The following TRAPPC12 variants were observed in gnomAD, a reference collection of about 807,000 sequenced individuals.
TRAPPC12 encodes trafficking protein particle complex subunit 12.
TRAPPC12 carries 61 observed loss-of-function variants against 69.2 expected under a neutral mutation model. The ratio of observed to expected loss-of-function variants is 0.88; its 90% CI spans 0.72 to 1.09. TRAPPC12 has a LOEUF of 1.09. Ranked by LOEUF, TRAPPC12 falls within the 50% of genes least tolerant of loss-of-function variation. TRAPPC12 has a pLI of 0.00. For missense variants in TRAPPC12, 1,101 were observed against 1,016.4 expected, an observed-to-expected ratio of 1.08 and a Z score of -1.13; for synonymous variants, 469 against 438.9, an observed-to-expected ratio of 1.07 and a Z score of -0.86.
intron 2 of TRAPPC12, among the ~76,000 whole-genome samples, chr2:3,390,975 A>G (rs1000336670): frequency 6.6e-6 from 1 of 152,210 alleles, no homozygotes; most frequent in Non-Finnish European, 1.5e-5. Flanking sequence ...AAAAAGATAT[A>G]AAACAGAATA....
chr2:3,431,669 G>A (rs929058749), intron 5 of TRAPPC12, among the ~76,000 whole-genome samples: 1 of 152,010 alleles, frequency 6.6e-6, no homozygotes, highest in Non-Finnish European at 1.5e-5. Flanking sequence ...GTCATGAAAA[G>A]TGTTGATAGG....
chr2:3,451,618 G>T (rs770441239), intron 6 of TRAPPC12, among the ~76,000 whole-genome samples: 124 of 151,890 alleles, frequency 8.2e-4, no homozygotes, highest in Non-Finnish European at 8.4e-4. Context: ...TGACCTCCCC[G>T]GTTCAAGCAA....
intron 2 of TRAPPC12, among the ~76,000 whole-genome samples, chr2:3,399,816 C>A (rs1048589313): frequency 2.7e-5 from 4 of 147,236 alleles, no homozygotes; most frequent in South Asian, 2.3e-4. Context: ...GCTCCCCCCG[C>A]CACCGCCCCG....
intron 6 of TRAPPC12, among the ~76,000 whole-genome samples, chr2:3,445,347 T>C (rs868306978): frequency 6.6e-6 from 1 of 152,092 alleles, no homozygotes; most frequent in Non-Finnish European, 1.5e-5. Flanking sequence ...ATCAAGCCAC[T>C]GCACTCCAGT....
At chr2:3,431,898 C>G (rs1454596738) in intron 5 of TRAPPC12, among the ~76,000 whole-genome samples, 1 of 152,178 alleles carries the variant, frequency 6.6e-6, no homozygotes. Flanking sequence ...CATCCTCTCT[C>G]AGGCAGTTAA....
At chr2:3,408,981 G>A (rs889346639) in intron 3 of TRAPPC12, among the ~76,000 whole-genome samples, 2 of 152,210 alleles carry the variant, frequency 1.3e-5, no homozygotes, top group Non-Finnish European at 2.9e-5. Context: ...AGAGCTATGT[G>A]CACCGTGGCT....
At position 3,460,348 on chromosome 2, in the gene TRAPPC12, G is replaced by A. The variant is rs201978475; in HGVS notation, c.1677+12G>A. 2.7e-4 allele frequency: 238 copies of A among 869,178 alleles called. 1 individual carries two copies. The African/African-American group carries it at 3.2e-3, about 12-fold the overall frequency. The allele number at this position is 869,178 out of a possible 1,614,324, so 53.8% of individuals were successfully genotyped here. A position where few individuals can be genotyped will look rare whatever the true frequency, so the allele number is the denominator to read the frequency against. ...TGCTCCTGATGAAGGTACGTGGGTG[G>A]CCAAGCAGGGCTGCCATGTGATCTG... On this transcript the variant is annotated intron_variant, in intron 8 of 11. Coordinates refer to ENST00000324266, the MANE Select transcript of TRAPPC12 (RefSeq NM_016030.6).
At chr2:3,391,765 C>T (rs1475582511) in intron 2 of TRAPPC12, among the ~76,000 whole-genome samples, 1 of 152,040 alleles carries the variant, frequency 6.6e-6, no homozygotes, top group Non-Finnish European at 1.5e-5. Flanking sequence ...TACTCCCACT[C>T]CCTGGTCTTG....
intron 11 of TRAPPC12, 95 bp from the exon 12 acceptor site, chr2:3,479,124 C>T: frequency 1.3e-6 from 2 of 1,555,902 alleles, no homozygotes; most frequent in Non-Finnish European, 1.7e-6. Context: ...TCTGCACCAC[C>T]CCCAGGCCCC....
chr2:3,389,892 CAG>C (rs1660733189), intron 2 of TRAPPC12: 1 of 433,118 alleles, frequency 2.3e-6, no homozygotes, highest in Non-Finnish European at 4.7e-6. Flanking sequence ...GTGGCTGGCT[CAG>C]GGGCTTTTTT....
intron 2 of TRAPPC12, among the ~76,000 whole-genome samples, chr2:3,399,773 A>T (rs962824362): frequency 1.3e-5 from 2 of 152,166 alleles, no homozygotes; most frequent in African/African-American, 4.8e-5. Context: ...CTTGCTTCTT[A>T]GGAGAAACAA....
At chr2:3,382,415 G>T (rs1660258220) in intron 1 of TRAPPC12, among the ~76,000 whole-genome samples, 1 of 151,940 alleles carries the variant, frequency 6.6e-6, no homozygotes, top group Non-Finnish European at 1.5e-5. Flanking sequence ...TTACAGATGT[G>T]AGCCACCACG....
chr2:3,461,961 C>A (rs1226360646), intron 8 of TRAPPC12, among the ~76,000 whole-genome samples: 1 of 152,238 alleles, frequency 6.6e-6, no homozygotes, highest in Non-Finnish European at 1.5e-5. Context: ...CCCCACCTGG[C>A]GGTCTGGGCG....
chr2:3,425,053 G>A (rs930609427), intron 5 of TRAPPC12, among the ~76,000 whole-genome samples: 2 of 152,254 alleles, frequency 1.3e-5, no homozygotes, highest in African/African-American at 2.4e-5. Context: ...GGCACACGCC[G>A]TGACATTTTC....
intron 3 of TRAPPC12, among the ~76,000 whole-genome samples, chr2:3,407,752 C>T (rs1197440227): frequency 2.6e-5 from 4 of 151,472 alleles, no homozygotes; most frequent in Middle Eastern, 3.4e-3. Flanking sequence ...GCCAAGATCA[C>T]GCCACTGCAC....
intron 6 of TRAPPC12, among the ~76,000 whole-genome samples, chr2:3,444,173 G>A (rs779497426): frequency 8.5e-5 from 13 of 152,228 alleles, no homozygotes; most frequent in African/African-American, 3.1e-4. Context: ...TCTTGCCAAG[G>A]CTGCCAGCTG....
At chr2:3,453,322 A>G (rs767895939) in intron 6 of TRAPPC12, among the ~76,000 whole-genome samples, 2 of 151,992 alleles carry the variant, frequency 1.3e-5, no homozygotes, top group African/African-American at 2.4e-5. Context: ...CCCAGCTTCA[A>G]CCCGTCGGGA....
intron 5 of TRAPPC12, among the ~76,000 whole-genome samples, chr2:3,439,968 T>C (rs1664107958): frequency 6.6e-6 from 1 of 152,166 alleles, no homozygotes; most frequent in Admixed American, 6.5e-5. Context: ...GAATTACCTT[T>C]ATTCCTTTGT....
At chr2:3,432,580 CT>C (rs1326112922) in intron 5 of TRAPPC12, among the ~76,000 whole-genome samples, 1 of 152,184 alleles carries the variant, frequency 6.6e-6, no homozygotes, top group East Asian at 1.9e-4. Context: ...CCACGTTCTG[CT>C]TTAGATTTCC....
Sources: gnomAD v4.1 joint callset for allele counts (sites outside exome capture counted in the v4.1 genomes callset) on GRCh38, gnomAD v4.1.1 for gene constraint, MANE v1.5 for transcripts, NCBI Gene and HGNC (gene_info 2026-07-23, HGNC 2026-07-21) for gene names.